Variants in DCLK1 observed in about 807,000 individuals in gnomAD.
DCLK1 encodes doublecortin like kinase 1.
DCLK1 carries 16 observed loss-of-function variants against 86.2 expected under a neutral mutation model. That is an observed-to-expected ratio of 0.19 (90% CI 0.13 to 0.28). The LOEUF (loss-of-function observed/expected upper bound fraction) is 0.28. DCLK1 is among the 10% of genes least tolerant of loss of function. The probability of loss-of-function intolerance (pLI) is 1.00; values close to 1 mark genes in which losing one functional copy is unlikely to be tolerated. For missense variants in DCLK1, 590 were observed against 940.2 expected (o/e 0.63, Z 4.87); for synonymous variants, 369 against 370.5 (o/e 1.00, Z 0.05).
chr13:36,108,373 G>A (rs922303094), intron 3 of DCLK1, among the ~76,000 whole-genome samples: 1 of 152,126 alleles, frequency 6.6e-6, no homozygotes, highest in African/African-American at 2.4e-5. Flanking sequence ...TTTCCAAAAC[G>A]TTTATTTCCT....
intron 4 of DCLK1, among the ~76,000 whole-genome samples, chr13:35,872,596 C>T (rs1185296725): frequency 2.6e-5 from 4 of 152,186 alleles, no homozygotes; most frequent in African/African-American, 9.7e-5. Context: ...TGGCACTTGA[C>T]ATTTAGTTTC....
intron 10 of DCLK1, 110 bp from the exon 11 acceptor site, chr13:35,822,985 T>C (rs1409213838): frequency 1.5e-6 from 2 of 1,336,448 alleles, no homozygotes; most frequent in East Asian, 2.3e-5. Context: ...TGTGGAATCT[T>C]TGGGTTCCTA....
At chr13:36,082,605 C>T (rs188499848) in intron 3 of DCLK1, among the ~76,000 whole-genome samples, 1 of 152,292 alleles carries the variant, frequency 6.6e-6, no homozygotes, top group East Asian at 1.9e-4. Context: ...CTGACGGCAT[C>T]ATGAAGGCCT....
chr13:35,796,995 C>A (rs567009546), intron 15 of DCLK1, among the ~76,000 whole-genome samples: 1 of 152,246 alleles, frequency 6.6e-6, no homozygotes, highest in Admixed American at 6.5e-5. Flanking sequence ...GTTAGAAATT[C>A]TCTGTCAAGT....
chr13:36,050,435 T>C (rs1229559596), intron 3 of DCLK1, among the ~76,000 whole-genome samples: 1 of 152,082 alleles, frequency 6.6e-6, no homozygotes, highest in Non-Finnish European at 1.5e-5. Context: ...ACAATAACAA[T>C]GATGTAGCTG....
chr13:36,076,913 G>T (rs1299884202), intron 3 of DCLK1, among the ~76,000 whole-genome samples: 1 of 152,126 alleles, frequency 6.6e-6, no homozygotes, highest in Non-Finnish European at 1.5e-5. Flanking sequence ...ATATTTTAAA[G>T]AAATATCAAA....
chr13:35,980,051 A>G (rs928768161), intron 3 of DCLK1, among the ~76,000 whole-genome samples: 2 of 152,208 alleles, frequency 1.3e-5, no homozygotes, highest in African/African-American at 4.8e-5. Flanking sequence ...ACCATTTTTG[A>G]GTGTACAGTT....
chr13:36,039,629 C>A (rs34450664), intron 3 of DCLK1, among the ~76,000 whole-genome samples: 9,395 of 151,870 alleles, frequency 0.062, 366 homozygotes, highest in East Asian at 0.12. Context: ...TTACTGTGCA[C>A]ACATGTACAC....
At chr13:36,052,356 T>G (rs990453674) in intron 3 of DCLK1, among the ~76,000 whole-genome samples, 2 of 152,144 alleles carry the variant, frequency 1.3e-5, no homozygotes, top group Non-Finnish European at 2.9e-5. Flanking sequence ...AAAGAAGAAT[T>G]TGTTTTATAA....
In DCLK1 at chr13:35,827,717, C is replaced by T; in HGVS notation, c.1325G>A (p.Arg442Lys). Residue 442 changes from arginine to lysine, a missense_variant, in exon 10 of 17, where the codon AGA becomes AAA. Physicochemically the swap from Arg to Lys is conservative, Grantham distance 26 (BLOSUM62 2). Around this residue, in one of 6 missense-constraint regions of DCLK1, gnomAD observed 108 missense variants for 195.7 expected, o/e 0.55. Coordinates refer to ENST00000360631, the MANE Select transcript of DCLK1 (RefSeq NM_001330071.2). Reference sequence around the variant, plus strand: ...AAGAACGATATTGGGATGCTTCACTCTTCTTAAAATAGACACTTCATTCTG... The same window carrying T: ...AAGAACGATATTGGGATGCTTCACTTTTCTTAAAATAGACACTTCATTCTG... ...MIQNEVSILRRVKHPNIVLLI... is the reference protein window; with the variant it reads ...MIQNEVSILRKVKHPNIVLLI... The T allele has an allele frequency of 6.2e-7, 1 of 1,613,952 alleles. No homozygotes were observed. Among genetic ancestry groups the T allele is most frequent in the Non-Finnish European group, 8.5e-7 (1 of 1,179,984 alleles).
chr13:35,995,821 T>G (rs1332877208), intron 3 of DCLK1, among the ~76,000 whole-genome samples: 1 of 152,214 alleles, frequency 6.6e-6, no homozygotes, highest in Non-Finnish European at 1.5e-5. Context: ...TAAATGCAAA[T>G]CTAGCAGAAA....
At chr13:35,847,176 C>T in intron 6 of DCLK1, 2 of 966,640 alleles carry the variant, frequency 2.1e-6, no homozygotes, top group Non-Finnish European at 2.5e-6. Context: ...TAATAGTTAA[C>T]ACAATATTGG....
Position 36,110,406 on chromosome 13 carries a change from G to T in DCLK1, c.723+1463C>A, listed in dbSNP as rs142815387. Among the ~76,000 whole-genome samples, 6 of 152,180 alleles carry T rather than the reference G, an allele frequency of 3.9e-5. No homozygotes were observed. The East Asian group carries it at 1.2e-3, about 29-fold the overall frequency. On this transcript the variant is annotated intron_variant, in intron 3 of 16. Transcript: ENST00000360631. ...TTATCCGCATATTACTTAGGGCAAG[G>T]GTTATAAGCCAAGCAAAAGATGGTA...
chr13:35,866,616 ATTTT>A (rs34743728), intron 5 of DCLK1, among the ~76,000 whole-genome samples: 1 of 135,282 alleles, frequency 7.4e-6, no homozygotes. Flanking sequence ...TAATTTTTGT[ATTTT>A]TTTTTTTTTT....
At chr13:35,900,859 T>C (rs1436906931) in intron 4 of DCLK1, among the ~76,000 whole-genome samples, 1 of 152,194 alleles carries the variant, frequency 6.6e-6, no homozygotes, top group Non-Finnish European at 1.5e-5. Context: ...AAAAATTCCG[T>C]GCATGGAGTC....
chr13:35,814,398 A>G (rs12428467), intron 11 of DCLK1, among the ~76,000 whole-genome samples: 32,390 of 152,198 alleles, frequency 0.21, 4,219 homozygotes, highest in East Asian at 0.39. Flanking sequence ...ACAAGTTCAC[A>G]TTGAAAATGC....
At chr13:35,862,036 A>G (rs1257127197) in intron 5 of DCLK1, among the ~76,000 whole-genome samples, 1 of 140,774 alleles carries the variant, frequency 7.1e-6, no homozygotes, top group African/African-American at 3.1e-5. Flanking sequence ...CCGTCTCAAA[A>G]AAAAAAAAAA....
rs145128952 is a variant in DCLK1 at position 35,804,785 on chromosome 13, C to T, written c.1944+914G>A. Among the ~76,000 whole-genome samples the T allele has an allele frequency of 4.4e-3, 677 of 152,204 alleles. 5 individuals carry two copies. The highest frequency in any genetic ancestry group is 0.016 in the African/African-American group (646 of 41,506). ...ATTTCACCCATCGGTTGTAGAGAAA[C>T]ACAGAATTAAAAAATAATGACTCTG... On this transcript the variant is annotated intron_variant, in intron 15 of 16. Coordinates refer to ENST00000360631, the MANE Select transcript of DCLK1 (RefSeq NM_001330071.2).
rs111866566 is a variant in DCLK1 at position 36,130,715 on chromosome 13, G to A, written c.-20+399C>T. ...AAAAGCACACACACAATAAGAGGCCGGGCCCGGCCACTCCTTCCTTGGTTC... is the reference window on the plus strand; with the variant it reads ...AAAAGCACACACACAATAAGAGGCCAGGCCCGGCCACTCCTTCCTTGGTTC... On this transcript the variant is annotated intron_variant, in intron 1 of 16. Transcript: ENST00000360631. Among the ~76,000 whole-genome samples, 926 of 152,050 alleles carry A rather than the reference G, an allele frequency of 6.1e-3. 8 individuals are homozygous for A. Among genetic ancestry groups the A allele is most frequent in the African/African-American group, 0.021 (880 of 41,506 alleles).
Sources: gnomAD v4.1 joint callset for allele counts (sites outside exome capture counted in the v4.1 genomes callset) on GRCh38, gnomAD v4.1.1 for gene constraint, gnomAD v4.1.1 regional missense constraint, MANE v1.5 for transcripts, NCBI Gene and HGNC (gene_info 2026-07-23, HGNC 2026-07-21) for gene names.